The following KANK1 variants were observed in gnomAD, a reference collection of about 807,000 sequenced individuals.
KANK1 encodes KN motif and ankyrin repeat domain-containing protein 1.
A neutral mutation model predicts 106.2 loss-of-function variants in KANK1; 109 were observed. The observed-to-expected ratio is 1.03, with a 90% confidence interval of 0.88 to 1.20. KANK1 has a LOEUF of 1.20. KANK1 is among the 50% of genes most tolerant of loss of function. The pLI, the probability that KANK1 is intolerant of heterozygous loss-of-function variation, is 0.00. For synonymous variants in KANK1, 873 were observed against 652.2 expected (o/e 1.34, Z -5.16); for missense variants, 2,399 against 1,710.7 (o/e 1.40, Z -7.10).
At chr9:531,873 C>T (rs1348033333) in intron 1 of KANK1, among the ~76,000 whole-genome samples, 2 of 151,964 alleles carry the variant, frequency 1.3e-5, no homozygotes, top group South Asian at 4.2e-4. Context: ...GTGTGTGGGC[C>T]AGATTGTTGT....
chr9:508,561 T>TA (rs2058882243), intron 1 of KANK1, among the ~76,000 whole-genome samples: 1 of 151,858 alleles, frequency 6.6e-6, no homozygotes, highest in African/African-American at 2.4e-5. Context: ...TATACTCTTG[T>TA]CCAATCACTG....
intron 3 of KANK1, among the ~76,000 whole-genome samples, chr9:477,489 T>C (rs1201161871): frequency 2.0e-5 from 3 of 152,120 alleles, no homozygotes; most frequent in African/African-American, 7.2e-5. Flanking sequence ...GAAATGACCT[T>C]TGATGTAAGA....
chr9:729,102 C>T (rs1380908886), intron 3 of KANK1, among the ~76,000 whole-genome samples: 2 of 152,226 alleles, frequency 1.3e-5, no homozygotes, highest in Admixed American at 6.5e-5. Flanking sequence ...ATTGACATAT[C>T]TGTATACATT....
intron 1 of KANK1, among the ~76,000 whole-genome samples, chr9:613,778 G>A (rs1234486450): frequency 6.6e-6 from 1 of 151,874 alleles, no homozygotes. Flanking sequence ...AGCCCCTTAA[G>A]TTTTGTGACT....
At chr9:572,613 A>T (rs2134912458) in intron 1 of KANK1, among the ~76,000 whole-genome samples, 1 of 152,156 alleles carries the variant, frequency 6.6e-6, no homozygotes, top group African/African-American at 2.4e-5. Context: ...CTGGTCTTGA[A>T]TTCCTGGCCT....
At chr9:494,107 T>A (rs780805034) in intron 3 of KANK1, among the ~76,000 whole-genome samples, 16 of 151,028 alleles carry the variant, frequency 1.1e-4, no homozygotes, top group Non-Finnish European at 1.8e-4. Context: ...GGTCTGGAAC[T>A]CCTGACCTCG....
intron 1 of KANK1, among the ~76,000 whole-genome samples, chr9:619,910 G>A (rs1458664951): frequency 6.6e-6 from 1 of 152,086 alleles, no homozygotes; most frequent in Non-Finnish European, 1.5e-5. Context: ...TCTGAGGCGA[G>A]CAGATCACCT....
intron 2 of KANK1, among the ~76,000 whole-genome samples, chr9:682,018 G>A (rs1057029254): frequency 6.6e-6 from 1 of 151,926 alleles, no homozygotes; most frequent in Admixed American, 6.6e-5. Flanking sequence ...GGTGGCTTAC[G>A]CCTGTAATTC....
At chr9:745,050 C>T (rs1836831257) in intron 11 of KANK1, 123 bp from the exon 12 acceptor site, 8 of 1,521,276 alleles carry the variant, frequency 5.3e-6, no homozygotes, top group Non-Finnish European at 6.2e-6. Context: ...TCAGCCAGAG[C>T]TCTCCTGGCT....
chr9:524,927 C>T (rs2059714718), intron 1 of KANK1, among the ~76,000 whole-genome samples: 1 of 149,742 alleles, frequency 6.7e-6, no homozygotes, highest in African/African-American at 2.5e-5. Flanking sequence ...TGCTTGTAAA[C>T]TACTATTGTC....
chr9:569,152 GC>G (rs552916984), intron 1 of KANK1, among the ~76,000 whole-genome samples: 22 of 152,020 alleles, frequency 1.4e-4, no homozygotes, highest in East Asian at 1.4e-3. Flanking sequence ...CTGCCCACCT[GC>G]CTTCCTTTCT....
At chr9:525,350 C>CGTGTGT (rs35296364) in intron 1 of KANK1, among the ~76,000 whole-genome samples, 3,367 of 140,500 alleles carry the variant, frequency 0.024, 100 homozygotes, top group African/African-American at 0.05. Context: ...TGTATACATA[C>CGTGTGT]GTGTGTGTGT....
chr9:572,921 T>G (rs1408303302), intron 1 of KANK1, among the ~76,000 whole-genome samples: 1 of 152,208 alleles, frequency 6.6e-6, no homozygotes, highest in Non-Finnish European at 1.5e-5. Flanking sequence ...GACTTGCCTT[T>G]TCATACTTTG....
intron 3 of KANK1, among the ~76,000 whole-genome samples, chr9:474,574 A>C (rs544751601): frequency 1.1e-4 from 17 of 152,308 alleles, no homozygotes; most frequent in African/African-American, 4.1e-4. Context: ...GATGCCCCCT[A>C]TCTTTTCCCT....
intron 1 of KANK1, among the ~76,000 whole-genome samples, chr9:617,581 G>C (rs1563869272): frequency 6.6e-6 from 1 of 152,182 alleles, no homozygotes; most frequent in South Asian, 2.1e-4. Flanking sequence ...ACTTGATGGT[G>C]ATCAAGAGCC....
At chr9:650,779 T>G (rs1276679276) in intron 1 of KANK1, among the ~76,000 whole-genome samples, 2 of 152,102 alleles carry the variant, frequency 1.3e-5, no homozygotes, top group Non-Finnish European at 2.9e-5. Context: ...CCAATGTTCC[T>G]GCTAATGAAA....
At chr9:655,077 A>G (rs2137755510) in intron 1 of KANK1, among the ~76,000 whole-genome samples, 1 of 152,000 alleles carries the variant, frequency 6.6e-6, no homozygotes, top group Non-Finnish European at 1.5e-5. Context: ...CAGTAATTCT[A>G]ATAATCATCC....
rs565753349 is a variant in KANK1 at position 601,873 on chromosome 9, T to C, written c.-83-75017T>C. Among the ~76,000 whole-genome samples, 13 of 151,964 alleles carry C rather than the reference T, an allele frequency of 8.6e-5. No individual in the cohort carries two copies. The South Asian group carries it at 2.1e-3, about 24-fold the overall frequency. On this transcript the variant is annotated intron_variant, in intron 1 of 11. Coordinates refer to ENST00000382297, the MANE Select transcript of KANK1 (RefSeq NM_015158.5). ...CTTCCCTAAGGAGCCTGGGTCCTTT[T>C]ACTGGACAATGGTGTTTAGAAACCA...
chr9:583,499 C>G (rs571975141), intron 1 of KANK1, among the ~76,000 whole-genome samples: 1 of 151,850 alleles, frequency 6.6e-6, no homozygotes, highest in Non-Finnish European at 1.5e-5. Context: ...GCTGGGGAAA[C>G]GAATTGTAAT....
Sources: allele counts gnomAD v4.1 joint callset (sites outside exome capture counted in the v4.1 genomes callset), GRCh38; gene constraint gnomAD v4.1.1; transcripts MANE v1.5; gene names NCBI Gene and HGNC (gene_info 2026-07-23, HGNC 2026-07-21).